TRABD: variants seen among roughly 807,000 people sequenced by gnomAD.
TRABD encodes TraB domain containing, also known as traB domain-containing protein.
TRABD carries 23 observed loss-of-function variants against 39.6 expected under a neutral mutation model. The observed-to-expected ratio is 0.58, with a 90% CI of 0.42 to 0.82. The LOEUF (loss-of-function observed/expected upper bound fraction) is 0.82. Ranked by LOEUF, TRABD falls within the 40% of genes least tolerant of loss-of-function variation. The probability of loss-of-function intolerance (pLI) is 0.00; values close to 1 mark genes in which losing one functional copy is unlikely to be tolerated. For missense variants in TRABD, 487 were observed against 544.9 expected (o/e 0.89, Z 1.06); for synonymous variants, 243 against 232.1 (o/e 1.05, Z -0.43).
intron 2 of TRABD, 140 bp downstream of exon 2, chr22:50,193,233 T>C: frequency 8.9e-7 from 1 of 1,123,902 alleles, no homozygotes; most frequent in Non-Finnish European, 1.2e-6. Flanking sequence ...AGGAGGCACC[T>C]CCGAGGGAGA....
chr22:50,195,031 C>G lies in TRABD; in HGVS notation c.411C>G (p.Ala137=). 1 of 1,596,778 alleles carries G rather than the reference C, an allele frequency of 6.3e-7. No homozygotes were observed. Among genetic ancestry groups the G allele is most frequent in the Non-Finnish European group, 8.5e-7 (1 of 1,175,626 alleles). ...TCAGCCTGGAGAAGCTGCAGCAGGC[C>G]GTGAGGCAGGTGCGCAGCCGCGGGC... is the stretch of plus-strand genomic sequence containing the variant. ...QELSLEKLQQ[A]VRQNGLMSGL... is the part of the protein sequence containing the mutation. The change falls in exon 5 of 10, where the codon GCC becomes GCG. Residue 137 remains alanine, a synonymous_variant. Transcript: ENST00000380909.
chr22:50,193,781 T>C, intron 3 of TRABD, 127 bp downstream of exon 3: 5 of 868,914 alleles, frequency 5.8e-6, no homozygotes, highest in Non-Finnish European at 9.2e-6. Flanking sequence ...GGCCGAGACC[T>C]GAGGTAGGTG....
intron 1 of TRABD, chr22:50,190,776 G>A (rs770377088): frequency 2.6e-5 from 4 of 152,552 alleles, no homozygotes; most frequent in Non-Finnish European, 4.4e-5. Context: ...CTGGCCTGGC[G>A]GCTGCTCACA....
chr22:50,198,581 G>T lies in TRABD; in HGVS notation c.*62G>T. 1 of 1,436,462 alleles carries T rather than the reference G, an allele frequency of 7.0e-7. No homozygotes were observed. The highest frequency in any genetic ancestry group is 9.1e-7 in the Non-Finnish European group (1 of 1,096,418). 89.0% of individuals were successfully genotyped at this position (1,436,462 alleles called of 1,614,324 possible). A position where few individuals can be genotyped will look rare whatever the true frequency, so the allele number is the denominator to read the frequency against. The stretch of plus-strand genomic sequence containing the variant: ...CAGTGCCCCCGCGGCACTTCTGGGT[G>T]CCAGGTGCATCCTAGCCCGCCCGAG... On this transcript the variant is annotated 3_prime_UTR_variant, in exon 10 of 10. Transcript: ENST00000380909. This position sits in a 1 kb window ranked among gnomAD's most constrained non-coding sequence, Gnocchi z 7.9.
chr22:50,186,973 C>G (rs1372404830), intron 1 of TRABD, among the ~76,000 whole-genome samples: 1 of 152,260 alleles, frequency 6.6e-6, no homozygotes, highest in Non-Finnish European at 1.5e-5. Flanking sequence ...GCCTCGGTAG[C>G]CTCCAGATGG....
At chr22:50,193,229 C>T (rs933835139) in intron 2 of TRABD, 136 bp downstream of exon 2, 80 of 1,151,960 alleles carry the variant, frequency 6.9e-5, no homozygotes, top group Non-Finnish European at 8.8e-5. Context: ...AGGCAGGAGG[C>T]ACCTCCGAGG....
At chr22:50,194,264 A>G in intron 3 of TRABD, 76 bp from the exon 4 acceptor site, 2 of 1,550,964 alleles carry the variant, frequency 1.3e-6, no homozygotes, top group East Asian at 4.5e-5. Context: ...AGGGTTCTAG[A>G]GCCCAGGCTG....
rs139842330 is a variant in TRABD, at chr22:50,197,931, C to T, written c.780C>T (p.Asp260=). 5.6e-5 allele frequency: 91 copies of T among 1,613,042 alleles called. No homozygotes were observed. Among genetic ancestry groups the T allele is most frequent in the Middle Eastern group, 1.6e-4 (1 of 6,062 alleles). Residue 260 remains aspartate, a synonymous_variant, in exon 8 of 10, where the codon GAC becomes GAT. Transcript: ENST00000380909. Reference sequence around the variant, plus strand: ...ACCGCACCATCGTCTCGGAGCGCGACGTCTACCTAACCTACATGCTGCGCC... The same window carrying T: ...ACCGCACCATCGTCTCGGAGCGCGATGTCTACCTAACCTACATGCTGCGCC... The part of the protein sequence containing the change: ...DLHRTIVSER[D]VYLTYMLRQA...
chr22:50,197,150 G>A (rs1252716794), intron 5 of TRABD, 91 bp from the exon 6 acceptor site: 14 of 1,308,246 alleles, frequency 1.1e-5, no homozygotes, highest in African/African-American at 2.9e-5. Flanking sequence ...AGGGCTCTGC[G>A]CTGGTGCTGC....
At position 50,194,366 on chromosome 22, in the gene TRABD, C is replaced by CTGGAGA. The variant is rs1350246531; in HGVS notation, c.142_147dup (p.Glu48_Met49dup). On this transcript the variant is annotated inframe_insertion, in exon 4 of 10. Coordinates refer to ENST00000380909, the MANE Select transcript of TRABD (RefSeq NM_001320485.2). ...CGACGTGGACGCCTTCAACCTGCTC[C>CTGGAGA]TGGAGATGAAGCTGAAGCGGCGGCG... The CTGGAGA allele has an allele frequency of 1.9e-6, 3 of 1,612,832 alleles. No individual in the cohort carries two copies. The highest frequency in any genetic ancestry group is 2.5e-6 in the Non-Finnish European group (3 of 1,179,838).
At chr22:50,187,539 C>T (rs2063791697) in intron 1 of TRABD, among the ~76,000 whole-genome samples, 1 of 152,230 alleles carries the variant, frequency 6.6e-6, no homozygotes, top group African/African-American at 2.4e-5. Context: ...TTTCTGGTAA[C>T]TGCATTTGGT....
intron 1 of TRABD, among the ~76,000 whole-genome samples, chr22:50,188,707 G>T (rs1213960920): frequency 6.6e-6 from 1 of 152,206 alleles, no homozygotes; most frequent in Non-Finnish European, 1.5e-5. Flanking sequence ...TGTGGGTTTT[G>T]GGGGACACAG....
In TRABD at chr22:50,199,234, A is replaced by T. The variant is rs905005844; in HGVS notation, c.*715A>T. 6.0e-6 allele frequency: 4 copies of T among 667,272 alleles called. No homozygotes were observed. Among genetic ancestry groups the T allele is most frequent in the African/African-American group, 1.8e-5 (1 of 55,130 alleles). The allele number at this position is 667,272 out of a possible 1,614,324, so 41.3% of individuals were successfully genotyped here. A position where few individuals can be genotyped will look rare whatever the true frequency, so the allele number is the denominator to read the frequency against. ...GCAGCCAAACATCAGCTCTGGGTCC[A>T]GGCGTGGCCTCAGCTGGGAGCCTGT... is the stretch of plus-strand genomic sequence containing the variant. On this transcript the variant is annotated 3_prime_UTR_variant, in exon 10 of 10. Coordinates refer to ENST00000380909, the MANE Select transcript of TRABD (RefSeq NM_001320485.2).
rs1296270803 is a variant in TRABD at position 50,197,959 on chromosome 22, G to C, written c.808G>C (p.Ala270Pro). The C allele has an allele frequency of 6.2e-7, 1 of 1,612,604 alleles. No homozygotes were observed. The highest frequency in any genetic ancestry group is 8.5e-7 in the Non-Finnish European group (1 of 1,179,828). Reference sequence around the variant, plus strand: ...CTACCTAACCTACATGCTGCGCCAGGCCGCGCGGCGCCTCGAGCTGCCTCG... The same window carrying C: ...CTACCTAACCTACATGCTGCGCCAGCCCGCGCGGCGCCTCGAGCTGCCTCG... ...DVYLTYMLRQ[A>P]ARRLELPRAS... Residue 270 changes from alanine to proline, a missense_variant, in exon 8 of 10, where the codon GCC becomes CCC. Around this residue, in one of 3 missense-constraint regions of TRABD, gnomAD observed 358 missense variants for 414.7 expected, o/e 0.86. Transcript: ENST00000380909.
Position 50,188,082 on chromosome 22 carries a change from C to A in TRABD, c.-35+2106C>A, listed in dbSNP as rs529089948. ...GGATCACAAGGTCAGGAGTTCAACACCAGCCTGGCCAAGATGGTGAAACCC... is the reference window on the plus strand; with the variant it reads ...GGATCACAAGGTCAGGAGTTCAACAACAGCCTGGCCAAGATGGTGAAACCC... On this transcript the variant is annotated intron_variant, in intron 1 of 9. Transcript: ENST00000380909. Among the ~76,000 whole-genome samples, 5 of 151,904 alleles carry A rather than the reference C, an allele frequency of 3.3e-5. No homozygotes were observed. The East Asian group carries it at 7.8e-4, about 24-fold the overall frequency.
chr22:50,194,866 T>C, intron 4 of TRABD, 34 bp from the exon 5 acceptor site: 1 of 1,603,794 alleles, frequency 6.2e-7, no homozygotes, highest in Non-Finnish European at 8.5e-7. Flanking sequence ...AGGGAGCGGC[T>C]GTGTTCTCGA....
chr22:50,195,511 G>A (rs1442559847), intron 5 of TRABD, among the ~76,000 whole-genome samples: 1 of 151,800 alleles, frequency 6.6e-6, no homozygotes, highest in Admixed American at 6.5e-5. Flanking sequence ...TGCCCAGGCT[G>A]GAGTGCAGTG....
intron 1 of TRABD, among the ~76,000 whole-genome samples, chr22:50,188,420 T>C (rs2063812120): frequency 6.6e-6 from 1 of 152,196 alleles, no homozygotes; most frequent in South Asian, 2.1e-4. Flanking sequence ...GCCTCACTGG[T>C]GCTGGGAAAA....
At chr22:50,193,496 C>A in intron 2 of TRABD, 80 bp from the exon 3 acceptor site, 1 of 1,356,390 alleles carries the variant, frequency 7.4e-7, no homozygotes, top group Non-Finnish European at 1.1e-6. Flanking sequence ...TTCCAGGGTA[C>A]GTGGTCCGTG....
Sources: gnomAD v4.1 joint callset for allele counts (sites outside exome capture counted in the v4.1 genomes callset) on GRCh38, gnomAD v4.1.1 for gene constraint, gnomAD v4.1.1 regional missense constraint, Gnocchi (gnomAD v3.1) non-coding constraint, MANE v1.5 for transcripts, NCBI Gene and HGNC (gene_info 2026-07-23, HGNC 2026-07-21) for gene names.